ABCC9: variants seen among roughly 807,000 people sequenced by gnomAD.
The protein encoded by ABCC9 is ATP-binding cassette sub-family C member 9.
A neutral mutation model predicts 188.3 loss-of-function variants in ABCC9; 95 were observed. That is an observed-to-expected ratio of 0.50 (90% CI 0.43 to 0.60). ABCC9 has a LOEUF of 0.60. ABCC9 is among the 20% of genes least tolerant of loss of function. The pLI is 0.00. For missense variants in ABCC9, 1,102 were observed against 1,876.3 expected, an observed-to-expected ratio of 0.59 and a Z score of 7.62; for synonymous variants, 659 against 652.7, an observed-to-expected ratio of 1.01 and a Z score of -0.15.
intron 15 of ABCC9, among the ~76,000 whole-genome samples, chr12:21,885,749 C>T (rs183098488): frequency 2.0e-5 from 3 of 152,262 alleles, no homozygotes; most frequent in African/African-American, 7.2e-5. Context: ...GACAAAATCA[C>T]ACCCGTTCAG....
chr12:21,884,557 A>G (rs1237584629), intron 15 of ABCC9, among the ~76,000 whole-genome samples: 5 of 152,212 alleles, frequency 3.3e-5, no homozygotes. Context: ...GGGTTTTACT[A>G]TGGGAATTAG....
intron 18 of ABCC9, among the ~76,000 whole-genome samples, chr12:21,870,703 G>C (rs887739128): frequency 2.0e-5 from 3 of 152,002 alleles, no homozygotes; most frequent in African/African-American, 4.8e-5. Context: ...CAGGACTTCA[G>C]TACATGCATT....
chr12:21,898,084 G>T (rs1353512896), intron 12 of ABCC9, among the ~76,000 whole-genome samples: 1 of 152,156 alleles, frequency 6.6e-6, no homozygotes, highest in Non-Finnish European at 1.5e-5. Flanking sequence ...CTTGAGCCCA[G>T]CAGTTAAAGG....
rs559236961 is a variant in ABCC9, at chr12:21,932,575, A to T, written c.284+1207T>A. On this transcript the variant is annotated intron_variant, in intron 4 of 39. Coordinates refer to ENST00000261200, the MANE Select transcript of ABCC9 (RefSeq NM_020297.4). The stretch of plus-strand genomic sequence containing the variant: ...AGGAACTTACACAAATTTACAAGAA[A>T]AAAACAAACAACCTCATAAAAAAGT... Among the ~76,000 whole-genome samples the T allele has an allele frequency of 3.4e-3, 515 of 152,300 alleles. 2 individuals carry two copies. Among genetic ancestry groups the T allele is most frequent in the African/African-American group, 0.012 (500 of 41,564 alleles).
chr12:21,915,531 G>T (rs1447038054), intron 7 of ABCC9, 137 bp downstream of exon 7: 76 of 62,680 alleles, frequency 1.2e-3, no homozygotes, highest in African/African-American at 8.3e-3. Context: ...TTTTTTTTTT[G>T]AGACAGAGTC....
At chr12:21,805,446 A>G in intron 39 of ABCC9, 2 of 754,358 alleles carry the variant, frequency 2.7e-6, no homozygotes, top group Non-Finnish European at 4.4e-6. Context: ...AAGGCAGAAA[A>G]CTGTGGACTA....
At chr12:21,903,479 G>A (rs1947873671) in intron 12 of ABCC9, among the ~76,000 whole-genome samples, 1 of 152,134 alleles carries the variant, frequency 6.6e-6, no homozygotes, top group Non-Finnish European at 1.5e-5. Flanking sequence ...AGGAAAAGAG[G>A]AAGTCAAATT....
chr12:21,808,274 G>C (rs947012390), intron 37 of ABCC9, among the ~76,000 whole-genome samples: 3 of 152,020 alleles, frequency 2.0e-5, no homozygotes, highest in Non-Finnish European at 4.4e-5. Flanking sequence ...GAGGATGCTG[G>C]ACATAAGGAA....
intron 31 of ABCC9, among the ~76,000 whole-genome samples, chr12:21,818,515 GATAT>G (rs1221408565): frequency 2.4e-5 from 3 of 126,454 alleles, no homozygotes; most frequent in Non-Finnish European, 3.3e-5. Context: ...TAACTATATA[GATAT>G]ATATATATGT....
rs1272755202 is a variant in ABCC9 at position 21,797,869 on chromosome 12, G to T, written c.*3175C>A. The stretch of plus-strand genomic sequence containing the variant: ...GCTTCTTATGAGATTAAGGAGTTAT[G>T]ATTTAAAAATTGATTTGACTAATTA... On this transcript the variant is annotated 3_prime_UTR_variant, in exon 40 of 40. Coordinates refer to ENST00000261200, the MANE Select transcript of ABCC9 (RefSeq NM_020297.4). 6.6e-6 allele frequency: 1 copy of T among 152,112 alleles called. No homozygotes were observed. Among genetic ancestry groups the T allele is most frequent in the African/African-American group, 2.4e-5 (1 of 41,416 alleles). The allele number at this position is 152,112 out of a possible 1,614,324, so 9.4% of individuals were successfully genotyped here.
chr12:21,807,596 C>T, intron 37 of ABCC9, 117 bp from the exon 38 acceptor site: 1 of 1,408,172 alleles, frequency 7.1e-7, no homozygotes, highest in Non-Finnish European at 9.9e-7. Flanking sequence ...TCACTTAGTG[C>T]TGGTGCAAGG....
At chr12:21,887,210 CTA>C (rs1946920020) in intron 15 of ABCC9, among the ~76,000 whole-genome samples, 2 of 152,064 alleles carry the variant, frequency 1.3e-5, no homozygotes, top group Admixed American at 1.3e-4. Context: ...ATAATATTGA[CTA>C]TGTTTCTAGA....
At chr12:21,855,289 A>G (rs947919996) in intron 22 of ABCC9, among the ~76,000 whole-genome samples, 7 of 152,100 alleles carry the variant, frequency 4.6e-5, no homozygotes, top group African/African-American at 1.7e-4. Context: ...GCATGATCTC[A>G]GCTCACTGCA....
At chr12:21,898,801 A>G (rs555445146) in intron 12 of ABCC9, among the ~76,000 whole-genome samples, 3 of 152,216 alleles carry the variant, frequency 2.0e-5, no homozygotes, top group Non-Finnish European at 4.4e-5. Context: ...GGAAAAAACA[A>G]TATTTTTGTA....
intron 38 of ABCC9, among the ~76,000 whole-genome samples, chr12:21,806,487 A>T (rs1446474706): frequency 6.6e-6 from 1 of 152,186 alleles, no homozygotes; most frequent in Non-Finnish European, 1.5e-5. Context: ...CATTCTAGGC[A>T]GCAACTGTTT....
At chr12:21,906,029 A>G in intron 12 of ABCC9, 97 bp downstream of exon 12, 1 of 1,349,356 alleles carries the variant, frequency 7.4e-7, no homozygotes, top group Non-Finnish European at 1.1e-6. Flanking sequence ...TCCTTGAAGA[A>G]CTAGAATGTT....
intron 4 of ABCC9, among the ~76,000 whole-genome samples, chr12:21,926,343 G>A (rs1484212419): frequency 6.6e-6 from 1 of 152,164 alleles, no homozygotes; most frequent in Non-Finnish European, 1.5e-5. Context: ...CTGTAGGGCA[G>A]AGCTGCTGAA....
intron 15 of ABCC9, among the ~76,000 whole-genome samples, chr12:21,883,683 A>G (rs1360786384): frequency 1.3e-5 from 2 of 151,826 alleles, no homozygotes; most frequent in Non-Finnish European, 2.9e-5. Context: ...GCTACACGGC[A>G]CCCAGCTTCT....
chr12:21,829,547 C>T (rs1349535444), intron 30 of ABCC9, among the ~76,000 whole-genome samples: 1 of 152,184 alleles, frequency 6.6e-6, no homozygotes, highest in Non-Finnish European at 1.5e-5. Flanking sequence ...TACTACTGCT[C>T]TTTGCATTCT....
Sources: allele counts gnomAD v4.1 joint callset (sites outside exome capture counted in the v4.1 genomes callset), GRCh38; gene constraint gnomAD v4.1.1; transcripts MANE v1.5; gene names NCBI Gene and HGNC (gene_info 2026-07-23, HGNC 2026-07-21).